The following TBC1D12 variants were observed in gnomAD, a reference collection of about 807,000 sequenced individuals.
TBC1D12 encodes TBC1 domain family member 12.
A neutral mutation model predicts 86.7 loss-of-function variants in TBC1D12; 56 were observed. The observed-to-expected ratio is 0.65, with a 90% CI of 0.52 to 0.81. TBC1D12 has a LOEUF of 0.81. Ranked by LOEUF, TBC1D12 falls within the 30% of genes least tolerant of loss-of-function variation. The pLI, the probability that TBC1D12 is intolerant of heterozygous loss-of-function variation, is 0.00. For synonymous variants in TBC1D12, 421 were observed against 411.7 expected (o/e 1.02, Z -0.27); for missense variants, 1,023 against 1,038.8 (o/e 0.98, Z 0.21).
At chr10:94,453,503 A>T (rs2055582877) in intron 2 of TBC1D12, among the ~76,000 whole-genome samples, 1 of 152,122 alleles carries the variant, frequency 6.6e-6, no homozygotes, top group African/African-American at 2.4e-5. Context: ...ACTGTGTCTA[A>T]TTTATAAATT....
intron 2 of TBC1D12, among the ~76,000 whole-genome samples, chr10:94,446,672 A>G (rs2134097670): frequency 6.6e-6 from 1 of 152,286 alleles, no homozygotes; most frequent in East Asian, 1.9e-4. Context: ...CTACAGGCGC[A>G]CACCACTGTG....
chr10:94,445,115 C>G (rs758145001), intron 2 of TBC1D12, among the ~76,000 whole-genome samples: 40 of 149,088 alleles, frequency 2.7e-4, no homozygotes, highest in Admixed American at 5.4e-4. Context: ...AATCCCAGCA[C>G]TTTGGGAGGC....
intron 11 of TBC1D12, among the ~76,000 whole-genome samples, chr10:94,523,966 T>TA (rs1171472197): frequency 2.6e-5 from 4 of 151,772 alleles, no homozygotes; most frequent in Non-Finnish European, 5.9e-5. Context: ...GAGATCCTAT[T>TA]AAAAAAAAAT....
chr10:94,428,967 AGTGCTGGCATTACAGAC>A (rs2055181730), intron 1 of TBC1D12, among the ~76,000 whole-genome samples: 1 of 152,100 alleles, frequency 6.6e-6, no homozygotes, highest in Admixed American at 6.5e-5. Flanking sequence ...GGACTCTCAA[AGTGCTGGCATTACAGAC>A]GTGAGTCATC....
intron 2 of TBC1D12, among the ~76,000 whole-genome samples, chr10:94,445,410 G>C (rs1308385268): frequency 6.6e-6 from 1 of 152,052 alleles, no homozygotes; most frequent in East Asian, 2.0e-4. Flanking sequence ...GAAAAGAACA[G>C]CTCTTTTTCA....
At chr10:94,448,650 T>A (rs867997660) in intron 2 of TBC1D12, among the ~76,000 whole-genome samples, 2 of 152,166 alleles carry the variant, frequency 1.3e-5, no homozygotes, top group Non-Finnish European at 1.5e-5. Flanking sequence ...CTAATTTTTT[T>A]ATATTTTTAG....
chr10:94,483,524 C>G (rs1314487012), intron 3 of TBC1D12, among the ~76,000 whole-genome samples: 2 of 152,036 alleles, frequency 1.3e-5, no homozygotes, highest in African/African-American at 4.8e-5. Context: ...TGTTGAGCAC[C>G]TTTGAATATG....
chr10:94,465,670 A>ATGTG (rs34828664), intron 2 of TBC1D12, among the ~76,000 whole-genome samples: 6,278 of 137,824 alleles, frequency 0.046, 249 homozygotes, highest in African/African-American at 0.1. Flanking sequence ...ATATATATAT[A>ATGTG]TGTGTGTGTG....
At chr10:94,409,242 T>G (rs1266554162) in intron 1 of TBC1D12, among the ~76,000 whole-genome samples, 1 of 152,172 alleles carries the variant, frequency 6.6e-6, no homozygotes, top group Non-Finnish European at 1.5e-5. Context: ...TGGCTTTCAT[T>G]CAGCTGGCAG....
chr10:94,500,744 T>G (rs2056384382), intron 6 of TBC1D12, among the ~76,000 whole-genome samples: 3 of 151,950 alleles, frequency 2.0e-5, no homozygotes. Context: ...CCAGTCATTT[T>G]GGGATTTTTT....
rs1371403401 is a variant in TBC1D12 at position 94,522,014 on chromosome 10, C to T, written c.1821C>T (p.Ala607=). ...VLILNLEEAD[A]FIAFANLLNK... ...TTCTCAATTTGGAAGAGGCAGATGCCTTTATCGCATTTGCCAATCTCCTGA... is the reference window on the plus strand; with the variant it reads ...TTCTCAATTTGGAAGAGGCAGATGCTTTTATCGCATTTGCCAATCTCCTGA... The change falls in exon 10 of 13, where the codon GCC becomes GCT. Residue 607 remains alanine (A), a synonymous_variant. Coordinates refer to ENST00000225235, the MANE Select transcript of TBC1D12 (RefSeq NM_015188.2). The T allele has an allele frequency of 2.5e-6, 4 of 1,612,552 alleles. No individual in the cohort carries two copies. In the South Asian group the frequency reaches 3.3e-5, roughly 13 times the overall value.
intron 1 of TBC1D12, among the ~76,000 whole-genome samples, chr10:94,428,282 C>CTTTT (rs894535771): frequency 1.4e-4 from 14 of 99,844 alleles, no homozygotes; most frequent in African/African-American, 2.6e-4. Context: ...TTTGGAACTT[C>CTTTT]TTTTTTTTTT....
chr10:94,522,323 T>C, intron 10 of TBC1D12, 21 bp from the exon 11 acceptor site: 1 of 1,264,988 alleles, frequency 7.9e-7, no homozygotes, highest in Non-Finnish European at 1.1e-6. Context: ...TTCATAATTT[T>C]ATTGATTTTT....
At chr10:94,480,520 ACT>A (rs1156667526) in intron 3 of TBC1D12, among the ~76,000 whole-genome samples, 1 of 151,530 alleles carries the variant, frequency 6.6e-6, no homozygotes, top group Non-Finnish European at 1.5e-5. Context: ...TGCGGCTTTG[ACT>A]CTGCTGTTCA....
chr10:94,403,527 C>A lies in TBC1D12; in HGVS notation c.914C>A (p.Pro305His). The change falls in exon 1 of 13, where the codon CCT becomes CAT. Residue 305 changes from proline (P) to histidine (H), a missense_variant. Pro to His is a moderately conservative substitution (Grantham distance 77, BLOSUM62 -2). Transcript: ENST00000225235. ...PVPLPAAEQGPAGASARARRS... is the reference protein window; with the variant it reads ...PVPLPAAEQGHAGASARARRS... ...CCCTTGCCCGCCGCGGAGCAGGGTC[C>A]TGCGGGGGCTTCGGCCCGGGCTCGA... is the stretch of plus-strand genomic sequence containing the variant. The A allele has an allele frequency of 1.3e-6, 2 of 1,537,522 alleles. No individual in the cohort carries two copies. Among genetic ancestry groups the A allele is most frequent in the East Asian group, 2.5e-5 (1 of 39,624 alleles).
At chr10:94,473,447 C>T (rs1237915216) in intron 2 of TBC1D12, among the ~76,000 whole-genome samples, 1 of 151,694 alleles carries the variant, frequency 6.6e-6, no homozygotes, top group East Asian at 1.9e-4. Context: ...TATGATTGCC[C>T]AATTGAGTAA....
intron 2 of TBC1D12, among the ~76,000 whole-genome samples, chr10:94,459,812 G>C (rs557517872): frequency 2.0e-5 from 3 of 152,212 alleles, no homozygotes; most frequent in South Asian, 2.1e-4. Context: ...TGCCGAGCCC[G>C]CACCCACCCG....
intron 10 of TBC1D12, 104 bp from the exon 11 acceptor site, chr10:94,522,240 A>G: frequency 8.6e-7 from 1 of 1,156,342 alleles, no homozygotes. Flanking sequence ...TCAGAAAAAG[A>G]TGAGATTCTT....
chr10:94,441,983 A>G lies in TBC1D12; in HGVS notation c.1059A>G (p.Arg353=), dbSNP rs2055388887. 1.2e-6 allele frequency: 2 copies of G among 1,613,114 alleles called. No individual in the cohort carries two copies. Among genetic ancestry groups the G allele is most frequent in the African/African-American group, 2.7e-5 (2 of 74,844 alleles). Residue 353 remains arginine, a synonymous_variant, in exon 2 of 13, where the codon AGA becomes AGG. Transcript: ENST00000225235. ...GWKLFGKVPP[R]ENLQKTSKII... Reference sequence around the variant, plus strand: ...AATTATTTGGTAAAGTCCCTCCTAGAGAGAATCTTCAGAAAACATCCAAAA... The same window carrying G: ...AATTATTTGGTAAAGTCCCTCCTAGGGAGAATCTTCAGAAAACATCCAAAA...
Sources: allele counts gnomAD v4.1 joint callset (sites outside exome capture counted in the v4.1 genomes callset), GRCh38; gene constraint gnomAD v4.1.1; transcripts MANE v1.5; gene names NCBI Gene and HGNC (gene_info 2026-07-23, HGNC 2026-07-21).